IQUB: variants seen among roughly 807,000 people sequenced by gnomAD.
IQUB encodes the protein IQ motif and ubiquitin-like domain-containing protein.
IQUB carries 86 observed loss-of-function variants against 86.4 expected under a neutral mutation model. The observed-to-expected ratio is 1.00, with a 90% CI of 0.84 to 1.19. The LOEUF (loss-of-function observed/expected upper bound fraction) is 1.19, where lower values mean the gene tolerates loss of function less well. Ranked by LOEUF, IQUB falls within the 50% of genes most tolerant of loss-of-function variation. The probability of loss-of-function intolerance (pLI) is 0.00; values close to 1 mark genes in which losing one functional copy is unlikely to be tolerated. For missense variants in IQUB, 946 were observed against 916.9 expected (o/e 1.03, Z -0.41); for synonymous variants, 289 against 304.5 (o/e 0.95, Z 0.53).
chr7:123,460,440 C>A (rs957639698), intron 11 of IQUB, among the ~76,000 whole-genome samples: 12 of 151,798 alleles, frequency 7.9e-5, no homozygotes, highest in African/African-American at 2.7e-4. Context: ...GTTTTCTATT[C>A]ATAGTAGTGC....
chr7:123,453,493 G>A (rs1793546130), intron 12 of IQUB, among the ~76,000 whole-genome samples: 1 of 151,208 alleles, frequency 6.6e-6, no homozygotes, highest in African/African-American at 2.4e-5. Flanking sequence ...TTTTGAGAGT[G>A]GGAAGACTCA....
chr7:123,524,861 T>C (rs1365490533), intron 1 of IQUB, among the ~76,000 whole-genome samples: 1 of 151,366 alleles, frequency 6.6e-6, no homozygotes, highest in Non-Finnish European at 1.5e-5. Context: ...TCTTATTATT[T>C]TCAGATACGT....
intron 1 of IQUB, among the ~76,000 whole-genome samples, chr7:123,522,452 T>G (rs984119807): frequency 6.6e-6 from 1 of 152,252 alleles, no homozygotes; most frequent in African/African-American, 2.4e-5. Context: ...TTTCTTAACC[T>G]AAGTCTCATA....
chr7:123,454,523 G>GAAAT (rs1372756252), intron 12 of IQUB, among the ~76,000 whole-genome samples: 1 of 152,036 alleles, frequency 6.6e-6, no homozygotes, highest in Non-Finnish European at 1.5e-5. Flanking sequence ...ATATACCTAA[G>GAAAT]AAATAGTAGT....
chr7:123,514,536 T>C (rs1025016234), intron 1 of IQUB, among the ~76,000 whole-genome samples: 1 of 151,986 alleles, frequency 6.6e-6, no homozygotes, highest in Non-Finnish European at 1.5e-5. Flanking sequence ...CAATAATATA[T>C]AATTGAGAAG....
At chr7:123,533,739 G>A (rs917274206) in intron 1 of IQUB, among the ~76,000 whole-genome samples, 2 of 152,164 alleles carry the variant, frequency 1.3e-5, no homozygotes, top group South Asian at 4.1e-4. Flanking sequence ...ACATATTTGC[G>A]TATGTCTAAA....
At chr7:123,481,585 T>C (rs1248737103) in intron 7 of IQUB, among the ~76,000 whole-genome samples, 1 of 152,076 alleles carries the variant, frequency 6.6e-6, no homozygotes, top group Admixed American at 6.6e-5. Context: ...AATGAAAGAC[T>C]GTCAAAAAGG....
intron 6 of IQUB, among the ~76,000 whole-genome samples, chr7:123,497,814 A>G (rs1480435295): frequency 6.6e-6 from 1 of 151,130 alleles, no homozygotes; most frequent in African/African-American, 2.4e-5. Flanking sequence ...TCCCTTCAAC[A>G]AAAGAGGCCA....
At chr7:123,492,350 C>T (rs187153889) in intron 7 of IQUB, among the ~76,000 whole-genome samples, 143 of 152,252 alleles carry the variant, frequency 9.4e-4, no homozygotes, top group African/African-American at 3.1e-3. Context: ...CAACACATAT[C>T]TCACATCTCA....
intron 1 of IQUB, among the ~76,000 whole-genome samples, chr7:123,514,858 T>A (rs1169097143): frequency 6.6e-6 from 1 of 152,236 alleles, no homozygotes; most frequent in East Asian, 1.9e-4. Context: ...TATTTGACTT[T>A]CTGTTTCTGA....
chr7:123,462,680 TTTTG>T (rs1270187271), intron 10 of IQUB: 1 of 286,978 alleles, frequency 3.5e-6, no homozygotes, highest in African/African-American at 2.2e-5. Flanking sequence ...GATTTACACA[TTTTG>T]TTTATCTTGA....
At chr7:123,501,711 C>T (rs1048650356) in intron 6 of IQUB, 3 of 152,186 alleles carry the variant, frequency 2.0e-5, no homozygotes, top group Admixed American at 2.0e-4. Context: ...TCCAAAGGAA[C>T]GTGACCTTGG....
intron 1 of IQUB, among the ~76,000 whole-genome samples, chr7:123,519,737 C>T (rs559663548): frequency 2.0e-5 from 3 of 152,118 alleles, no homozygotes; most frequent in Admixed American, 6.5e-5. Context: ...TTGATAGCAC[C>T]GTACGGTGAC....
rs28408249 is a variant in IQUB, at chr7:123,495,048, G to A, written c.1234+1648C>T. Among the ~76,000 whole-genome samples the A allele has an allele frequency of 5.3e-3, 813 of 152,140 alleles. 4 individuals are homozygous for A. Among genetic ancestry groups the A allele is most frequent in the African/African-American group, 0.018 (754 of 41,530 alleles). Reference sequence around the variant, plus strand: ...TCAATAAGACCTTTCATAGATACCTGGCTAACGATGTTCTCTATTGAAGTA... The same window carrying A: ...TCAATAAGACCTTTCATAGATACCTAGCTAACGATGTTCTCTATTGAAGTA... On this transcript the variant is annotated intron_variant, in intron 7 of 12. Coordinates refer to ENST00000324698, the MANE Select transcript of IQUB (RefSeq NM_178827.5).
At chr7:123,503,424 T>C in intron 3 of IQUB, 61 bp from the exon 4 acceptor site, 1 of 890,042 alleles carries the variant, frequency 1.1e-6, no homozygotes, top group Non-Finnish European at 1.7e-6. Context: ...TTCATTGATC[T>C]TATTTTTTGT....
At chr7:123,519,688 T>G (rs1264186839) in intron 1 of IQUB, among the ~76,000 whole-genome samples, 1 of 152,112 alleles carries the variant, frequency 6.6e-6, no homozygotes, top group East Asian at 1.9e-4. Context: ...GGTTAAGGGG[T>G]TCAAAAATAC....
chr7:123,453,069 CG>C, intron 12 of IQUB, 144 bp from the exon 13 acceptor site: 1 of 633,136 alleles, frequency 1.6e-6, no homozygotes, highest in Non-Finnish European at 2.7e-6. Context: ...TCATCATTCA[CG>C]ACTCAGCTCC....
intron 7 of IQUB, among the ~76,000 whole-genome samples, chr7:123,495,956 A>G (rs764870003): frequency 2.6e-5 from 4 of 152,154 alleles, no homozygotes; most frequent in Non-Finnish European, 5.9e-5. Flanking sequence ...AGTATTACCA[A>G]CTGTGGTGAT....
Position 123,491,635 on chromosome 7 carries a change from T to C in IQUB, c.1234+5061A>G, listed in dbSNP as rs138907634. On this transcript the variant is annotated intron_variant, in intron 7 of 12. Coordinates refer to ENST00000324698, the MANE Select transcript of IQUB (RefSeq NM_178827.5). ...ACAATAACTATCAAAGCTTACTCAA[T>C]GATAAATAAGTCACATGAATACCCC... Among the ~76,000 whole-genome samples the C allele has an allele frequency of 5.9e-5, 9 of 152,338 alleles. No homozygotes were observed. In the East Asian group the frequency reaches 1.7e-3, roughly 29 times the overall value.
Sources: gnomAD v4.1 joint callset for allele counts (sites outside exome capture counted in the v4.1 genomes callset) on GRCh38, gnomAD v4.1.1 for gene constraint, MANE v1.5 for transcripts, NCBI Gene and HGNC (gene_info 2026-07-23, HGNC 2026-07-21) for gene names.